MACROD2: variants seen among roughly 807,000 people sequenced by gnomAD.
The protein encoded by MACROD2 is ADP-ribose glycohydrolase MACROD2.
A neutral mutation model predicts 70.4 loss-of-function variants in MACROD2; 36 were observed. The observed-to-expected ratio is 0.51, with a 90% CI of 0.39 to 0.68. The LOEUF is 0.68. MACROD2 is among the 30% of genes least tolerant of loss of function. MACROD2 has a pLI of 0.00. For synonymous variants in MACROD2, 172 were observed against 178.8 expected (o/e 0.96, Z 0.30); for missense variants, 496 against 538.4 (o/e 0.92, Z 0.78).
chr20:14,449,985 C>A (rs963097504), intron 3 of MACROD2, among the ~76,000 whole-genome samples: 42 of 151,930 alleles, frequency 2.8e-4, no homozygotes, highest in African/African-American at 9.4e-4. Context: ...GGCTTAGAAG[C>A]CCTGGAAAGA....
At chr20:15,570,665 C>T (rs2048365547) in intron 8 of MACROD2, among the ~76,000 whole-genome samples, 1 of 152,174 alleles carries the variant, frequency 6.6e-6, no homozygotes, top group African/African-American at 2.4e-5. Flanking sequence ...TGAGCCACTA[C>T]ATGTTGGCCC....
chr20:14,061,689 A>G (rs1241353373), intron 2 of MACROD2, among the ~76,000 whole-genome samples: 1 of 152,142 alleles, frequency 6.6e-6, no homozygotes, highest in African/African-American at 2.4e-5. Context: ...AAGTATAGTT[A>G]TGGAATTTAG....
At chr20:15,622,452 G>A (rs1189206320) in intron 8 of MACROD2, among the ~76,000 whole-genome samples, 3 of 152,120 alleles carry the variant, frequency 2.0e-5, no homozygotes, top group Non-Finnish European at 2.9e-5. Flanking sequence ...TAAAATACGG[G>A]TGACTTGAAC....
chr20:14,164,569 G>A (rs2055238338), intron 3 of MACROD2, among the ~76,000 whole-genome samples: 1 of 152,114 alleles, frequency 6.6e-6, no homozygotes, highest in Admixed American at 6.5e-5. Flanking sequence ...AGTCTGTGCT[G>A]GTGTTGGCAG....
intron 8 of MACROD2, among the ~76,000 whole-genome samples, chr20:15,589,483 AC>A (rs1195624028): frequency 6.6e-6 from 1 of 152,154 alleles, no homozygotes; most frequent in African/African-American, 2.4e-5. Flanking sequence ...CAATATTTCC[AC>A]CAGAGTGGTA....
chr20:14,838,373 T>A (rs1317090555), intron 5 of MACROD2, among the ~76,000 whole-genome samples: 1 of 152,118 alleles, frequency 6.6e-6, no homozygotes, highest in African/African-American at 2.4e-5. Context: ...AGGCAGAACA[T>A]TATTATGTTC....
rs550963931 is a variant in MACROD2, at chr20:15,416,857, C to G, written c.541-14548C>G. Among the ~76,000 whole-genome samples the G allele has an allele frequency of 1.8e-3, 270 of 151,992 alleles. 1 individual carries two copies. Among genetic ancestry groups the G allele is most frequent in the African/African-American group, 6.2e-3 (257 of 41,464 alleles). ...GGCAGAGCTTGCAGTGAGCCGAGAT[C>G]GCGCCACTGCACTCCAGCCCGGGCG... On this transcript the variant is annotated intron_variant, in intron 6 of 17. Transcript: ENST00000684519.
At chr20:14,448,096 G>A (rs2122976798) in intron 3 of MACROD2, among the ~76,000 whole-genome samples, 1 of 151,732 alleles carries the variant, frequency 6.6e-6, no homozygotes, top group East Asian at 2.0e-4. Context: ...AATAGTATTA[G>A]TCAAGTGAGA....
intron 5 of MACROD2, among the ~76,000 whole-genome samples, chr20:14,932,231 G>A (rs1293517405): frequency 6.6e-6 from 1 of 151,972 alleles, no homozygotes; most frequent in East Asian, 1.9e-4. Context: ...TGCAGAAATT[G>A]CCCACAGCTG....
intron 8 of MACROD2, among the ~76,000 whole-genome samples, chr20:15,534,718 A>G (rs761309255): frequency 2.0e-5 from 3 of 152,170 alleles, no homozygotes; most frequent in Non-Finnish European, 2.9e-5. Context: ...CAATTCATGT[A>G]GATTTGATGC....
intron 5 of MACROD2, among the ~76,000 whole-genome samples, chr20:15,111,731 T>C (rs2075957025): frequency 6.6e-6 from 1 of 152,224 alleles, no homozygotes; most frequent in Non-Finnish European, 1.5e-5. Flanking sequence ...TCACTGTAGC[T>C]TTTGTTTTAG....
intron 6 of MACROD2, among the ~76,000 whole-genome samples, chr20:15,255,450 A>G (rs7274602): frequency 0.058 from 8,832 of 152,142 alleles, 850 homozygotes; most frequent in African/African-American, 0.2. Context: ...ACAATTGGCA[A>G]TCATCACTTT....
At chr20:15,636,775 C>T (rs2049376819) in intron 8 of MACROD2, among the ~76,000 whole-genome samples, 1 of 151,928 alleles carries the variant, frequency 6.6e-6, no homozygotes, top group Admixed American at 6.6e-5. Context: ...ACGCCGGGGT[C>T]CTATGATGCA....
chr20:14,602,345 C>T (rs750433673), intron 4 of MACROD2, among the ~76,000 whole-genome samples: 33 of 152,176 alleles, frequency 2.2e-4, no homozygotes, highest in Non-Finnish European at 4.6e-4. Context: ...TCCCTTACTG[C>T]GCATGTGTTA....
intron 6 of MACROD2, among the ~76,000 whole-genome samples, chr20:15,266,944 G>A (rs12481253): frequency 7.9e-5 from 12 of 152,346 alleles, no homozygotes; most frequent in Admixed American, 6.5e-4. Context: ...GGCATGAGAA[G>A]GCATTTAGAG....
intron 8 of MACROD2, among the ~76,000 whole-genome samples, chr20:15,737,422 G>A (rs2051038743): frequency 6.6e-6 from 1 of 152,142 alleles, no homozygotes; most frequent in Admixed American, 6.5e-5. Context: ...TCAACAATAA[G>A]TACTTACTGA....
At chr20:15,113,592 A>G (rs970078129) in intron 5 of MACROD2, among the ~76,000 whole-genome samples, 1 of 152,142 alleles carries the variant, frequency 6.6e-6, no homozygotes, top group African/African-American at 2.4e-5. Context: ...ATGTTTAATG[A>G]TGGATATTAT....
At chr20:14,226,926 G>GCAGC (rs2081742628) in intron 3 of MACROD2, among the ~76,000 whole-genome samples, 1 of 152,248 alleles carries the variant, frequency 6.6e-6, no homozygotes, top group South Asian at 2.1e-4. Flanking sequence ...ATCTCCACCT[G>GCAGC]CAGCCCCAGT....
intron 5 of MACROD2, among the ~76,000 whole-genome samples, chr20:14,954,809 T>TAA: frequency 1.7e-5 from 2 of 119,530 alleles, no homozygotes; most frequent in Non-Finnish European, 3.2e-5. Flanking sequence ...AAATAAATTT[T>TAA]ATATAATATA....
Sources: allele counts gnomAD v4.1 joint callset (sites outside exome capture counted in the v4.1 genomes callset), GRCh38; gene constraint gnomAD v4.1.1; transcripts MANE v1.5; gene names NCBI Gene and HGNC (gene_info 2026-07-23, HGNC 2026-07-21).